The following TRIM14 variants were observed in gnomAD, a reference collection of about 807,000 sequenced individuals.
The protein encoded by TRIM14 is tripartite motif-containing protein 14.
Under a neutral mutation model 44.5 loss-of-function variants are expected in TRIM14, and 28 were observed. That is an observed-to-expected ratio of 0.63 (90% CI 0.47 to 0.86). TRIM14 has a LOEUF of 0.86. Among genes scored for constraint, TRIM14 ranks in the 40% least tolerant of loss-of-function variants. TRIM14 has a pLI of 0.00. For missense variants in TRIM14, 607 were observed against 611.1 expected, an observed-to-expected ratio of 0.99 and a Z score of 0.07; for synonymous variants, 299 against 269.2, an observed-to-expected ratio of 1.11 and a Z score of -1.08.
At chr9:98,044,333 C>T in the TRIM14 span, among the ~76,000 whole-genome samples, 23 of 149,694 alleles carry the variant, frequency 1.5e-4, no homozygotes, top group Non-Finnish European at 2.8e-4. Flanking sequence ...CACCCAGGGG[C>T]GCCTTTCAGC....
intron 1 of TRIM14, chr9:98,110,222 CACTTT>C: frequency 1.9e-6 from 1 of 513,046 alleles, no homozygotes; most frequent in Non-Finnish European, 3.5e-6. Context: ...CCCTTCCTCA[CACTTT>C]ACTTTATCTA....
chr9:98,091,735 A>C (rs1288853583), intron 5 of TRIM14, among the ~76,000 whole-genome samples, 174 bp downstream of exon 5: 1 of 152,116 alleles, frequency 6.6e-6, no homozygotes, highest in East Asian at 1.9e-4. Flanking sequence ...ATGAACATGT[A>C]TTGTTTTATT....
chr9:98,078,242 G>C, intron 6 of TRIM14: 1 of 1,614,140 alleles, frequency 6.2e-7, no homozygotes, highest in Non-Finnish European at 8.5e-7. Flanking sequence ...ACACCATGAA[G>C]CAAGTTTATC....
the TRIM14 span, among the ~76,000 whole-genome samples, chr9:98,055,978 G>A: frequency 6.6e-6 from 1 of 152,056 alleles, no homozygotes; most frequent in Non-Finnish European, 1.5e-5. Flanking sequence ...GACCTCAGGT[G>A]ATCTGCCTGC....
rs1326339753 is a variant in TRIM14, at chr9:98,086,198, C to T, written c.*1272G>A. 1.3e-5 allele frequency: 2 copies of T among 152,234 alleles called. No homozygotes were observed. The highest frequency in any genetic ancestry group is 4.8e-5 in the African/African-American group (2 of 41,448). 9.4% of individuals were successfully genotyped at this position (152,234 alleles called of 1,614,324 possible). On this transcript the variant is annotated 3_prime_UTR_variant, in exon 6 of 6. Transcript: ENST00000341469. ...AGCAACTGTCACCTGCTGATTCCTT[C>T]CCAAAATCCCCTGAGAAATGAGTAA...
At chr9:98,110,848 AAAAATAAAATAAAATAAAATAAAAT>A (rs58660734) in intron 1 of TRIM14, among the ~76,000 whole-genome samples, 1 of 130,528 alleles carries the variant, frequency 7.7e-6, no homozygotes, top group Non-Finnish European at 1.6e-5. Context: ...CTCTACCACA[AAAAATAAAATAAAATAAAATAAAAT>A]AAAATAAAAT....
intron 2 of TRIM14, among the ~76,000 whole-genome samples, chr9:98,106,237 A>G (rs895908464): frequency 2.0e-5 from 3 of 152,264 alleles, no homozygotes; most frequent in South Asian, 2.1e-4. Context: ...TGTATGTACA[A>G]TATAACTCAA....
At chr9:98,082,026 G>C (rs926039375), downstream of TRIM14, 2 of 152,018 alleles carry the variant, frequency 1.3e-5, no homozygotes, top group African/African-American at 4.8e-5. Flanking sequence ...TTTTTTCCTG[G>C]CACCACATTC....
At chr9:98,091,390 G>A (rs931971961) in intron 5 of TRIM14, among the ~76,000 whole-genome samples, 2 of 152,078 alleles carry the variant, frequency 1.3e-5, no homozygotes, top group African/African-American at 4.8e-5. Flanking sequence ...CCAAGAGGTC[G>A]AGGCTGCAGT....
At chr9:98,082,651 G>A (rs1010079216), downstream of TRIM14, among the ~76,000 whole-genome samples, 4 of 152,312 alleles carry the variant, frequency 2.6e-5, no homozygotes, top group Middle Eastern at 6.8e-3. Flanking sequence ...CTCCTCCTCT[G>A]AGTCTCTGAA....
the TRIM14 span, among the ~76,000 whole-genome samples, chr9:98,055,039 A>T: frequency 1.3e-5 from 2 of 152,102 alleles, no homozygotes; most frequent in African/African-American, 4.8e-5. Context: ...TTGTTTTTGA[A>T]ATGGAGTTTC....
the TRIM14 span, among the ~76,000 whole-genome samples, chr9:98,036,544 G>A: frequency 1.3e-5 from 2 of 149,140 alleles, no homozygotes; most frequent in Non-Finnish European, 3.0e-5. Context: ...GCTCACATCT[G>A]TAATCCCAGC....
the TRIM14 span, among the ~76,000 whole-genome samples, chr9:98,050,650 T>C: frequency 2.0e-5 from 3 of 152,302 alleles, no homozygotes; most frequent in South Asian, 6.2e-4. Context: ...CATTCTCCCT[T>C]AGGTGAGAGT....
intron 3 of TRIM14, among the ~76,000 whole-genome samples, chr9:98,097,674 T>A (rs776569935): frequency 4.6e-5 from 7 of 152,072 alleles, no homozygotes; most frequent in Non-Finnish European, 1.0e-4. Context: ...TACATATTGA[T>A]GAATAAACGA....
At chr9:98,062,545 G>T in the TRIM14 span, among the ~76,000 whole-genome samples, 1 of 152,136 alleles carries the variant, frequency 6.6e-6, no homozygotes, top group Non-Finnish European at 1.5e-5. Context: ...CTCTATAGCA[G>T]TTCTTTTTAT....
chr9:98,067,847 A>G (rs10984930), downstream of TRIM14, among the ~76,000 whole-genome samples: 9,403 of 151,900 alleles, frequency 0.062, 427 homozygotes, highest in Admixed American at 0.12. Context: ...TCAGCCTCCT[A>G]AGTAGCTAGG....
At chr9:98,114,951 C>T (rs1047263178) in intron 1 of TRIM14, among the ~76,000 whole-genome samples, 1 of 152,110 alleles carries the variant, frequency 6.6e-6, no homozygotes, top group African/African-American at 2.4e-5. Context: ...GTTTTTCAGT[C>T]AAGAAAATTT....
chr9:98,039,637 A>G, the TRIM14 span, among the ~76,000 whole-genome samples: 1 of 152,006 alleles, frequency 6.6e-6, no homozygotes, highest in Non-Finnish European at 1.5e-5. Flanking sequence ...CAGACGCTGC[A>G]CTTGATGGAT....
At chr9:98,097,879 A>T (rs1737802617) in intron 3 of TRIM14, among the ~76,000 whole-genome samples, 1 of 152,234 alleles carries the variant, frequency 6.6e-6, no homozygotes, top group Admixed American at 6.5e-5. Flanking sequence ...ATTACATGTA[A>T]CACTTTGTGC....
Sources: allele counts gnomAD v4.1 joint callset (sites outside exome capture counted in the v4.1 genomes callset), GRCh38; gene constraint gnomAD v4.1.1; transcripts MANE v1.5; gene names NCBI Gene and HGNC (gene_info 2026-07-23, HGNC 2026-07-21).